FRMD4A: variants seen among roughly 807,000 people sequenced by gnomAD.
The protein encoded by FRMD4A is FERM domain-containing protein 4A.
Under a neutral mutation model 129.1 loss-of-function variants are expected in FRMD4A, and 29 were observed. The observed-to-expected ratio is 0.22, with a 90% CI of 0.17 to 0.31. The LOEUF is 0.31. Among genes scored for constraint, FRMD4A ranks in the 10% least tolerant of loss-of-function variants. The pLI, the probability that FRMD4A is intolerant of heterozygous loss-of-function variation, is 1.00. For missense variants in FRMD4A, 1,272 were observed against 1,375.8 expected (o/e 0.92, Z 1.19); for synonymous variants, 634 against 571.6 (o/e 1.11, Z -1.56).
intron 2 of FRMD4A, among the ~76,000 whole-genome samples, chr10:14,224,732 G>A (rs1298681348): frequency 1.3e-5 from 2 of 152,150 alleles, no homozygotes; most frequent in African/African-American, 4.8e-5. Flanking sequence ...TATCTCCTTG[G>A]AGCGTATGAA....
intron 2 of FRMD4A, among the ~76,000 whole-genome samples, chr10:14,065,279 G>A (rs913265381): frequency 2.6e-5 from 4 of 152,166 alleles, no homozygotes; most frequent in African/African-American, 9.7e-5. Flanking sequence ...TGCCTCCTGG[G>A]TTGAAGCAAT....
intron 2 of FRMD4A, among the ~76,000 whole-genome samples, chr10:14,288,820 C>T (rs946674555): frequency 6.6e-6 from 1 of 152,190 alleles, no homozygotes. Flanking sequence ...CTTCTACTCT[C>T]TGTTTCTATG....
At chr10:13,697,592 G>T (rs866497189) in intron 14 of FRMD4A, among the ~76,000 whole-genome samples, 83 of 152,134 alleles carry the variant, frequency 5.5e-4, no homozygotes, top group African/African-American at 1.7e-3. Flanking sequence ...CCAGACTCTG[G>T]AACATTTTGG....
At position 13,656,905 on chromosome 10, in the gene FRMD4A, C is replaced by A; in HGVS notation, c.2684G>T (p.Arg895Leu). ...GATCTGCGATCGCGACGGCGTCAGGCGGCCCGTGTCGCCCTCGTCGCCGCC... is the reference window on the plus strand; with the variant it reads ...GATCTGCGATCGCGACGGCGTCAGGAGGCCCGTGTCGCCCTCGTCGCCGCC... ...GGGGDEGDTG[R>L]LTPSRSQILR... The change falls in exon 22 of 25, where the codon CGC becomes CTC. Residue 895 changes from arginine (R) to leucine (L), a missense_variant. By Grantham distance (102) the Arg-to-Leu change is moderately radical (BLOSUM62 -2). This residue lies in a region of FRMD4A where 972 missense variants were observed against 892.3 expected (regional missense o/e 1.09). Coordinates refer to ENST00000357447, the MANE Select transcript of FRMD4A (RefSeq NM_018027.5). The A allele has an allele frequency of 6.7e-7, 1 of 1,484,138 alleles. No homozygotes were observed. The highest frequency in any genetic ancestry group is 2.4e-5 in the Admixed American group (1 of 42,480). The allele number at this position is 1,484,138 out of a possible 1,614,324, so 91.9% of individuals were successfully genotyped here.
intron 2 of FRMD4A, among the ~76,000 whole-genome samples, chr10:13,952,125 GT>G (rs981475072): frequency 1.8e-4 from 24 of 134,322 alleles, no homozygotes; most frequent in African/African-American, 4.4e-4. Flanking sequence ...CATGATGTAT[GT>G]TTTTTTTTCT....
At chr10:14,180,613 A>T (rs1044354122) in intron 2 of FRMD4A, among the ~76,000 whole-genome samples, 2 of 152,200 alleles carry the variant, frequency 1.3e-5, no homozygotes, top group East Asian at 1.9e-4. Context: ...TGAAAAACCA[A>T]TGCCTATTAC....
At chr10:13,924,925 G>T (rs777333991) in intron 2 of FRMD4A, among the ~76,000 whole-genome samples, 1 of 151,916 alleles carries the variant, frequency 6.6e-6, no homozygotes, top group African/African-American at 2.4e-5. Context: ...TTAGCTAGGC[G>T]TGGTGGCGGG....
intron 2 of FRMD4A, among the ~76,000 whole-genome samples, chr10:13,947,252 G>A (rs2095338710): frequency 6.6e-6 from 1 of 152,176 alleles, no homozygotes; most frequent in African/African-American, 2.4e-5. Flanking sequence ...AAAGAGGCAA[G>A]TTTGGAGATA....
At chr10:13,905,732 CAAAAGTCTGTACCTAG>C in intron 2 of FRMD4A, among the ~76,000 whole-genome samples, 1 of 152,192 alleles carries the variant, frequency 6.6e-6, no homozygotes, top group Non-Finnish European at 1.5e-5. Flanking sequence ...AGTAACTTGC[CAAAAGTCTGTACCTAG>C]AAGGAAGCAG....
chr10:13,804,254 T>TC (rs1271565295), intron 4 of FRMD4A, among the ~76,000 whole-genome samples: 3 of 152,350 alleles, frequency 2.0e-5, no homozygotes, highest in African/African-American at 7.2e-5. Context: ...CAAACCTATT[T>TC]CCAAATAAAT....
chr10:13,824,161 C>G (rs1326414842), intron 3 of FRMD4A, among the ~76,000 whole-genome samples: 1 of 151,892 alleles, frequency 6.6e-6, no homozygotes. Flanking sequence ...ATTCAACCAA[C>G]CATGGATCAA....
At chr10:14,315,720 T>C (rs1846715088) in intron 2 of FRMD4A, among the ~76,000 whole-genome samples, 1 of 152,240 alleles carries the variant, frequency 6.6e-6, no homozygotes, top group African/African-American at 2.4e-5. Context: ...TTTCAAAAGG[T>C]ATCATGCAAC....
intron 16 of FRMD4A, among the ~76,000 whole-genome samples, chr10:13,672,903 T>C (rs2083639299): frequency 6.6e-6 from 1 of 152,224 alleles, no homozygotes. Context: ...TACCTGCAAC[T>C]GATTTCTTGT....
intron 2 of FRMD4A, among the ~76,000 whole-genome samples, chr10:13,946,676 TC>T (rs2095334154): frequency 6.6e-6 from 1 of 152,332 alleles, no homozygotes; most frequent in Admixed American, 6.5e-5. Context: ...ACTCGCCTTC[TC>T]CTTGCCAAGT....
At chr10:14,007,002 T>C (rs1299067533) in intron 2 of FRMD4A, among the ~76,000 whole-genome samples, 1 of 152,068 alleles carries the variant, frequency 6.6e-6, no homozygotes, top group Non-Finnish European at 1.5e-5. Flanking sequence ...CAACCCGACC[T>C]AAGTATTTAG....
intron 2 of FRMD4A, among the ~76,000 whole-genome samples, chr10:14,251,125 T>C (rs117739678): frequency 0.038 from 5,722 of 152,252 alleles, 162 homozygotes; most frequent in Non-Finnish European, 0.06. Flanking sequence ...TCTTGGTAGT[T>C]ACTCCCAGTT....
intron 2 of FRMD4A, among the ~76,000 whole-genome samples, chr10:14,319,349 C>CCTCTCTCT (rs10645584): frequency 1.4e-4 from 19 of 137,372 alleles, no homozygotes; most frequent in South Asian, 4.6e-4. Flanking sequence ...ATCTCTCTCT[C>CCTCTCTCT]CTCTCTCTCT....
chr10:14,295,985 A>C (rs560852187), intron 2 of FRMD4A, among the ~76,000 whole-genome samples: 26 of 152,288 alleles, frequency 1.7e-4, no homozygotes, highest in African/African-American at 6.3e-4. Context: ...GTGCTTTATT[A>C]AGAATTTTTT....
chr10:13,864,152 C>A (rs374630759), intron 2 of FRMD4A, among the ~76,000 whole-genome samples: 1 of 151,320 alleles, frequency 6.6e-6, no homozygotes, highest in Non-Finnish European at 1.5e-5. Flanking sequence ...CCTGCCAACA[C>A]GCTCCTGTAA....
Sources: allele counts gnomAD v4.1 joint callset (sites outside exome capture counted in the v4.1 genomes callset), GRCh38; gene constraint gnomAD v4.1.1; regional missense constraint gnomAD v4.1.1; transcripts MANE v1.5; gene names NCBI Gene and HGNC (gene_info 2026-07-23, HGNC 2026-07-21).